Variants in OFD1 observed in about 807,000 individuals in gnomAD.
The protein encoded by OFD1 is OFD1 centriole and centriolar satellite protein, also known as centriole and centriolar satellite protein OFD1.
Under a neutral mutation model 81.4 loss-of-function variants are expected in OFD1, and 12 were observed. That is an observed-to-expected ratio of 0.15 (90% CI 0.09 to 0.24). The LOEUF (loss-of-function observed/expected upper bound fraction) is 0.24, where lower values mean the gene tolerates loss of function less well. OFD1 is among the 10% of genes least tolerant of loss of function. The probability of loss-of-function intolerance (pLI) is 1.00; values close to 1 mark genes in which losing one functional copy is unlikely to be tolerated. For missense variants in OFD1, 685 were observed against 733.9 expected, an observed-to-expected ratio of 0.93 and a Z score of 0.77; for synonymous variants, 256 against 263.7, an observed-to-expected ratio of 0.97 and a Z score of 0.28.
chrX:13,740,111 G>A (rs2146935747), intron 5 of OFD1: 4 of 962,667 alleles, frequency 4.2e-6, no homozygotes, highest in Non-Finnish European at 5.3e-6. Flanking sequence ...TGACTTAATC[G>A]CCAAGTCTCT....
chrX:13,722,927 G>T, the OFD1 span, among the ~76,000 whole-genome samples: 11 of 110,088 alleles, frequency 1.0e-4, no homozygotes, highest in Admixed American at 2.9e-4. Flanking sequence ...GCCGAGTGTG[G>T]TGGTGGGCAC....
intron 22 of OFD1, 21 bp from the exon 23 acceptor site, chrX:13,769,037 ATTTTAATT>A (rs766781152): frequency 9.1e-7 from 1 of 1,104,639 alleles, no homozygotes; most frequent in African/African-American, 1.8e-5. Context: ...AAATTTTTAC[ATTTTAATT>A]TTTATCTTTC....
chrX:13,770,971 T>C (rs960423814), downstream of OFD1: 5 of 112,596 alleles, frequency 4.4e-5, no homozygotes, highest in Non-Finnish European at 7.5e-5. Flanking sequence ...TCATTACTCT[T>C]AGTACATCCA....
rs1458317780 is a variant in OFD1 at position 13,768,223 on chromosome X, A to C, written c.2927A>C (p.Lys976Thr). 18 of 1,199,639 alleles carry C rather than the reference A, an allele frequency of 1.5e-5. No homozygotes were observed. Among genetic ancestry groups the C allele is most frequent in the Middle Eastern group, 4.6e-4 (2 of 4,331 alleles). Residue 976 changes from lysine (K) to threonine (T), a missense_variant and splice_region_variant, in exon 21 of 23, where the codon AAG (lysine) becomes ACG (threonine). Around this residue, in one of 3 missense-constraint regions of OFD1, gnomAD observed 259 missense variants for 254.4 expected, o/e 1.02. Coordinates refer to ENST00000340096, the MANE Select transcript of OFD1 (RefSeq NM_003611.3). ...GAGCAAGACCAGGAGTCGGCAGATA[A>C]GGTGCCAGTGCCATGGGCAGGGCAA... ...QQEQDQESAD[K>T]SSKKMVQEGS...
the OFD1 span, among the ~76,000 whole-genome samples, chrX:13,725,647 G>A: frequency 2.7e-5 from 3 of 112,520 alleles, no homozygotes; most frequent in Non-Finnish European, 5.6e-5. Flanking sequence ...ACAAAGATGG[G>A]GAGGAACCAA....
At chrX:13,768,917 T>C (rs1404156720) in intron 22 of OFD1, 132 bp downstream of exon 22, 1 of 754,841 alleles carries the variant, frequency 1.3e-6, no homozygotes, top group Non-Finnish European at 2.1e-6. Context: ...ATAAAAACAA[T>C]TGAGTTTTTT....
intron 20 of OFD1, chrX:13,767,796 C>T: frequency 3.1e-6 from 1 of 321,611 alleles, no homozygotes; most frequent in Non-Finnish European, 5.5e-6. Flanking sequence ...GCTTGAATTA[C>T]TCTAACATAT....
intron 2 of OFD1, among the ~76,000 whole-genome samples, chrX:13,735,733 AGTGT>A (rs1275149899): frequency 8.9e-6 from 1 of 112,314 alleles, no homozygotes; most frequent in African/African-American, 3.2e-5. Context: ...AGAAAATACT[AGTGT>A]ACTGCTTAAT....
upstream of OFD1, among the ~76,000 whole-genome samples, chrX:13,732,194 A>T (rs1255605292): frequency 8.9e-6 from 1 of 111,825 alleles, no homozygotes; most frequent in African/African-American, 3.3e-5. Flanking sequence ...GAAGGTACTC[A>T]GTTCTGGGAA....
Position 13,769,074 on chromosome X carries a change from G to C in OFD1, c.3005G>C (p.Gly1002Ala), listed in dbSNP as rs1036186931. The C allele has an allele frequency of 1.7e-6, 2 of 1,191,549 alleles. No individual in the cohort carries two copies. The highest frequency in any genetic ancestry group is 4.3e-5 in the Admixed American group (2 of 45,981). ...QSSDKVESLT[G>A]FSHEELDDSW Reference sequence around the variant, plus strand: ...ATCTTTCCCTAATTTAGTTTAACAGGCTTTTCTCATGAAGAACTAGACGAC... The same window carrying C: ...ATCTTTCCCTAATTTAGTTTAACAGCCTTTTCTCATGAAGAACTAGACGAC... Residue 1002 changes from glycine to alanine, a missense_variant, in exon 23 of 23, where the codon GGC (glycine) becomes GCC (alanine). Gly to Ala is a moderately conservative substitution (Grantham distance 60). Coordinates refer to ENST00000340096, the MANE Select transcript of OFD1 (RefSeq NM_003611.3).
At chrX:13,750,579 C>T (rs1039650221) in intron 9 of OFD1, among the ~76,000 whole-genome samples, 21 of 112,161 alleles carry the variant, frequency 1.9e-4, no homozygotes, top group African/African-American at 6.8e-4. Context: ...CTGATTGATC[C>T]ATCTATCTTT....
At chrX:13,740,028 TCATC>T (rs1429832438) in intron 5 of OFD1, 1 of 926,234 alleles carries the variant, frequency 1.1e-6, no homozygotes, top group East Asian at 7.7e-5. Context: ...ATTCATTTAT[TCATC>T]CATTCATTCG....
In OFD1 at chrX:13,753,409, A is replaced by G; in HGVS notation, c.1097A>G (p.Asn366Ser). ...AAGGATGACTACATCATTAGAACTAATCGACTGATTGAAGATGAAAGGAAG... is the reference window on the plus strand; with the variant it reads ...AAGGATGACTACATCATTAGAACTAGTCGACTGATTGAAGATGAAAGGAAG... ...ELKDDYIIRT[N>S]RLIEDERKNK... Residue 366 changes from asparagine (N) to serine (S), a missense_variant, in exon 11 of 23, where the codon AAT (asparagine) becomes AGT (serine). This residue lies in a region of OFD1 where 414 missense variants were observed against 447.2 expected (regional missense o/e 0.93). Coordinates refer to ENST00000340096, the MANE Select transcript of OFD1 (RefSeq NM_003611.3). The G allele has an allele frequency of 8.3e-7, 1 of 1,209,137 alleles. No homozygotes were observed. Among genetic ancestry groups the G allele is most frequent in the Non-Finnish European group, 1.1e-6 (1 of 893,524 alleles).
intron 6 of OFD1, among the ~76,000 whole-genome samples, chrX:13,746,057 A>G (rs1161344882): frequency 2.7e-5 from 3 of 112,380 alleles, no homozygotes; most frequent in African/African-American, 9.7e-5. Context: ...ATTTTCAAAC[A>G]TACAGAAAAG....
chrX:13,762,299 G>A lies in OFD1; in HGVS notation c.2388-45G>A, dbSNP rs775995567. 3 of 880,551 alleles carry A rather than the reference G, an allele frequency of 3.4e-6. No individual in the cohort carries two copies. In the South Asian group the frequency reaches 6.0e-5, roughly 18 times the overall value. The allele number at this position is 880,551 out of a possible 1,213,427, so 72.6% of individuals were successfully genotyped here. ...GCTTTTTGTCACCTTGTACTCTTTG[G>A]TTTTCCATTATTGAAACTTCACGAG... On this transcript the variant is annotated intron_variant, in intron 17 of 22. Coordinates refer to ENST00000340096, the MANE Select transcript of OFD1 (RefSeq NM_003611.3).
At chrX:13,734,744 C>T (rs996003631), upstream of OFD1, 7 of 1,027,122 alleles carry the variant, frequency 6.8e-6, no homozygotes, top group Admixed American at 4.6e-5. Flanking sequence ...CCGGAAGTTG[C>T]CGGACTGGCT....
In OFD1 at chrX:13,734,771, T is replaced by C; in HGVS notation, c.-301T>C. On this transcript the variant is annotated 5_prime_UTR_variant, in exon 1 of 23. Coordinates refer to ENST00000340096, the MANE Select transcript of OFD1 (RefSeq NM_003611.3). The stretch of plus-strand genomic sequence containing the variant: ...GGACTGGCTGTGAGGCGGTCCTGCC[T>C]CGCTGCCTTCAGTCCCTAGTGTCTG... 1 of 1,058,888 alleles carries C rather than the reference T, an allele frequency of 9.4e-7. No individual in the cohort carries two copies. Among genetic ancestry groups the C allele is most frequent in the Non-Finnish European group, 1.2e-6 (1 of 826,399 alleles). 87.3% of individuals were successfully genotyped at this position (1,058,888 alleles called of 1,213,427 possible).
Position 13,751,372 on chromosome X carries a change from A to G in OFD1, c.1055+4A>G, listed in dbSNP as rs1360766779. On this transcript the variant is annotated splice_donor_region_variant and intron_variant, in intron 10 of 22. Transcript: ENST00000340096. ...AGCTCAAGAATGAACTTCTAAAGTA[A>G]TTGTTTAGCATTTTTAAATAACTAA... 1 of 1,183,514 alleles carries G rather than the reference A, an allele frequency of 8.4e-7. No homozygotes were observed. The highest frequency in any genetic ancestry group is 1.1e-6 in the Non-Finnish European group (1 of 873,728).
At chrX:13,715,244 G>A in the OFD1 span, among the ~76,000 whole-genome samples, 1 of 112,959 alleles carries the variant, frequency 8.9e-6, no homozygotes, top group Non-Finnish European at 1.9e-5. Flanking sequence ...AGGCCAAGGC[G>A]GGTGGATCAC....
Sources: gnomAD v4.1 joint callset for allele counts (sites outside exome capture counted in the v4.1 genomes callset) on GRCh38, gnomAD v4.1.1 for gene constraint, gnomAD v4.1.1 regional missense constraint, MANE v1.5 for transcripts, NCBI Gene and HGNC (gene_info 2026-07-23, HGNC 2026-07-21) for gene names.